OTOGL: variants seen among roughly 807,000 people sequenced by gnomAD.
The protein encoded by OTOGL is otogelin-like protein.
A neutral mutation model predicts 318.5 loss-of-function variants in OTOGL; 285 were observed. The observed-to-expected ratio is 0.89, with a 90% CI of 0.81 to 0.99. The LOEUF (loss-of-function observed/expected upper bound fraction) is 0.99. Ranked by LOEUF, OTOGL falls within the 50% of genes least tolerant of loss-of-function variation. The pLI, the probability that OTOGL is intolerant of heterozygous loss-of-function variation, is 0.00. For missense variants in OTOGL, 2,899 were observed against 2,845.6 expected (o/e 1.02, Z -0.43); for synonymous variants, 987 against 936.5 (o/e 1.05, Z -0.99).
chr12:80,356,516 A>ATGC lies in OTOGL; in HGVS notation c.5909_5910insCTG (p.Cys1970dup). ...CTCTTTCTTGCTGTCCACAGTACAA[A>ATGC]TGTGGTAAGTAATCAATATAGAAAA... is the stretch of plus-strand genomic sequence containing the variant. On this transcript the variant is annotated inframe_insertion, in exon 48 of 59. Coordinates refer to ENST00000547103, the MANE Select transcript of OTOGL (RefSeq NM_001378609.3). 1 of 1,588,470 alleles carries ATGC rather than the reference A, an allele frequency of 6.3e-7. No individual in the cohort carries two copies. Among genetic ancestry groups the ATGC allele is most frequent in the Admixed American group, 1.7e-5 (1 of 58,096 alleles).
chr12:80,314,423 A>G (rs549103304), intron 32 of OTOGL, 92 bp downstream of exon 32: 1 of 407,058 alleles, frequency 2.5e-6, no homozygotes, highest in Non-Finnish European at 4.1e-6. Context: ...GCTGTGAACA[A>G]ACTATAAATA....
intron 1 of OTOGL, among the ~76,000 whole-genome samples, chr12:80,201,842 AG>A (rs780451471): frequency 6.6e-6 from 1 of 152,214 alleles, no homozygotes; most frequent in Non-Finnish European, 1.5e-5. Flanking sequence ...GGTATAATAA[AG>A]GTACCTAGAA....
At chr12:80,107,340 A>C (rs1409149659) in intron 1 of OTOGL, among the ~76,000 whole-genome samples, 2 of 152,192 alleles carry the variant, frequency 1.3e-5, no homozygotes, top group Non-Finnish European at 1.5e-5. Context: ...AACATGACTA[A>C]TCATTAGAGA....
intron 27 of OTOGL, among the ~76,000 whole-genome samples, chr12:80,299,764 C>A (rs1885640647): frequency 2.0e-5 from 3 of 152,108 alleles, no homozygotes; most frequent in Admixed American, 2.0e-4. Context: ...GCTAACATCA[C>A]TAGAGTTTGT....
rs1183555685 is a variant in OTOGL at position 80,147,410 on chromosome 12, G to A, written c.-20+47805G>A. ...TGAGTTCTAGTTTGATTGCACTGTG[G>A]TCTGAGAGACAGTTTGTTATAATCT... On this transcript the variant is annotated intron_variant, in intron 1 of 58. Transcript: ENST00000547103. Among the ~76,000 whole-genome samples the A allele has an allele frequency of 2.0e-5, 3 of 150,736 alleles. No individual in the cohort carries two copies. In the East Asian group the frequency reaches 5.8e-4, roughly 29 times the overall value.
At chr12:80,117,627 C>T (rs1870246086) in intron 1 of OTOGL, among the ~76,000 whole-genome samples, 1 of 152,164 alleles carries the variant, frequency 6.6e-6, no homozygotes, top group Admixed American at 6.5e-5. Context: ...ATTTTTTCTT[C>T]TTCAAAACAT....
intron 24 of OTOGL, among the ~76,000 whole-genome samples, chr12:80,272,783 T>G (rs1489599697): frequency 6.6e-6 from 1 of 152,088 alleles, no homozygotes; most frequent in East Asian, 1.9e-4. Flanking sequence ...AACTTGGAAC[T>G]GGCATTAATC....
chr12:80,205,017 G>A (rs2137293697), intron 1 of OTOGL, among the ~76,000 whole-genome samples: 1 of 152,240 alleles, frequency 6.6e-6, no homozygotes, highest in East Asian at 1.9e-4. Flanking sequence ...TCCTAAGTGA[G>A]AGAAACGAAC....
In OTOGL at chr12:80,175,756, C is replaced by T. The variant is rs181543225; in HGVS notation, c.-19-33657C>T. Among the ~76,000 whole-genome samples the T allele has an allele frequency of 2.6e-4, 39 of 152,254 alleles. 1 individual carries two copies. The East Asian group carries it at 7.1e-3, about 28-fold the overall frequency. On this transcript the variant is annotated intron_variant, in intron 1 of 58. Coordinates refer to ENST00000547103, the MANE Select transcript of OTOGL (RefSeq NM_001378609.3). ...ATGAAACCAGTATCAAGGTTACTGG[C>T]ATCCTGCCTGATTCACTTAGAAGTA...
At chr12:80,114,213 G>A (rs1446189066) in intron 1 of OTOGL, among the ~76,000 whole-genome samples, 1 of 152,120 alleles carries the variant, frequency 6.6e-6, no homozygotes, top group Non-Finnish European at 1.5e-5. Context: ...AGTGTCAATG[G>A]CCTTTACATT....
intron 1 of OTOGL, among the ~76,000 whole-genome samples, chr12:80,104,788 C>G (rs946756073): frequency 6.6e-6 from 1 of 151,960 alleles, no homozygotes; most frequent in South Asian, 2.1e-4. Flanking sequence ...TATTATGAAC[C>G]AAAACATACT....
intron 1 of OTOGL, among the ~76,000 whole-genome samples, chr12:80,103,620 T>C (rs1344085): frequency 0.64 from 97,502 of 152,132 alleles, 32,090 homozygotes; most frequent in African/African-American, 0.79. Context: ...AGAATGCAGG[T>C]TCCATAAAAG....
At chr12:80,317,960 C>G (rs1887077621) in intron 32 of OTOGL, among the ~76,000 whole-genome samples, 1 of 152,084 alleles carries the variant, frequency 6.6e-6, no homozygotes, top group Non-Finnish European at 1.5e-5. Flanking sequence ...ATAAGGGTCC[C>G]CAGCTGCTCA....
At chr12:80,248,900 T>C (rs1198310348) in intron 11 of OTOGL, among the ~76,000 whole-genome samples, 2 of 148,678 alleles carry the variant, frequency 1.3e-5, no homozygotes, top group Non-Finnish European at 3.0e-5. Context: ...CCCTTCTCAC[T>C]TCATTTCATT....
At chr12:80,191,001 T>C (rs1000417438) in intron 1 of OTOGL, among the ~76,000 whole-genome samples, 2 of 152,198 alleles carry the variant, frequency 1.3e-5, no homozygotes, top group African/African-American at 4.8e-5. Flanking sequence ...TTAGGCTTTC[T>C]GTTATTGCAG....
intron 1 of OTOGL, among the ~76,000 whole-genome samples, chr12:80,147,768 G>GT (rs1228247628): frequency 6.6e-6 from 1 of 152,170 alleles, no homozygotes; most frequent in Non-Finnish European, 1.5e-5. Flanking sequence ...ATTTAGGATA[G>GT]TTAGCTCTTC....
chr12:80,337,087 T>A, intron 42 of OTOGL, 83 bp downstream of exon 42: 1 of 1,030,192 alleles, frequency 9.7e-7, no homozygotes, highest in Non-Finnish European at 1.4e-6. Context: ...GAGGGAAAAT[T>A]AAGCATATCA....
intron 22 of OTOGL, among the ~76,000 whole-genome samples, chr12:80,267,787 A>G (rs1410714267): frequency 6.6e-6 from 1 of 152,076 alleles, no homozygotes; most frequent in African/African-American, 2.4e-5. Context: ...ACATATATAC[A>G]TAATACATGC....
chr12:80,352,998 A>G (rs781711615), intron 45 of OTOGL, among the ~76,000 whole-genome samples: 5 of 152,312 alleles, frequency 3.3e-5, no homozygotes, highest in Non-Finnish European at 5.9e-5. Context: ...TGTTATCATA[A>G]TAGTTGATTG....
Sources: gnomAD v4.1 joint callset for allele counts (sites outside exome capture counted in the v4.1 genomes callset) on GRCh38, gnomAD v4.1.1 for gene constraint, MANE v1.5 for transcripts, NCBI Gene and HGNC (gene_info 2026-07-23, HGNC 2026-07-21) for gene names.